The following CFAP20DC variants were observed in gnomAD, a reference collection of about 807,000 sequenced individuals.
The protein encoded by CFAP20DC is CFAP20 domain containing, also known as protein CFAP20DC.
In CFAP20DC, 84 loss-of-function variants were observed where a neutral mutation model predicts 101.7. That is an observed-to-expected ratio of 0.83 (90% CI 0.69 to 0.99). CFAP20DC has a LOEUF of 0.99. Among genes scored for constraint, CFAP20DC ranks in the 50% least tolerant of loss-of-function variants. The pLI, the probability that CFAP20DC is intolerant of heterozygous loss-of-function variation, is 0.00. For missense variants in CFAP20DC, 1,007 were observed against 970.3 expected (o/e 1.04, Z -0.50); for synonymous variants, 359 against 351.2 (o/e 1.02, Z -0.25).
At chr3:58,862,500 G>C in intron 12 of CFAP20DC, 2 of 985,388 alleles carry the variant, frequency 2.0e-6, no homozygotes, top group Non-Finnish European at 2.4e-6. Flanking sequence ...TCAGAAGCAA[G>C]AATATTGTGA....
rs1351849191 is a variant in CFAP20DC at position 58,732,019 on chromosome 3, T to A, written c.198-14391A>T. Among the ~76,000 whole-genome samples, 1 of 152,164 alleles carries A rather than the reference T, an allele frequency of 6.6e-6. No individual in the cohort carries two copies. The highest frequency in any genetic ancestry group is 2.4e-5 in the African/African-American group (1 of 41,438). On this transcript the variant is annotated intron_variant, in intron 3 of 3. Coordinates refer to the CFAP20DC transcript ENST00000486145. The surrounding 1 kb of genome is among the most constrained non-coding windows in gnomAD (Gnocchi z 5.4). Reference sequence around the variant, plus strand: ...AAGTAGATGAACACAGTTGCGAGGATTAAATGAGAAAATATGCACATACAG... The same window carrying A: ...AAGTAGATGAACACAGTTGCGAGGAATAAATGAGAAAATATGCACATACAG...
intron 14 of CFAP20DC, among the ~76,000 whole-genome samples, chr3:58,820,427 T>C (rs2075547153): frequency 6.6e-6 from 1 of 150,414 alleles, no homozygotes; most frequent in African/African-American, 2.4e-5. Context: ...CTTAAGCTGA[T>C]AAGCAACTTC....
chr3:58,924,754 T>C (rs904929962), intron 5 of CFAP20DC, among the ~76,000 whole-genome samples: 2 of 152,320 alleles, frequency 1.3e-5, no homozygotes, highest in Admixed American at 1.3e-4. Flanking sequence ...TTTTGACTTT[T>C]TAATAATAGC....
intron 14 of CFAP20DC, among the ~76,000 whole-genome samples, chr3:58,807,985 G>A (rs2074251201): frequency 6.6e-6 from 1 of 152,148 alleles, no homozygotes; most frequent in African/African-American, 2.4e-5. Flanking sequence ...TGAAATGAAT[G>A]AAATGAAGTG....
chr3:58,974,235 G>C (rs72883315), intron 4 of CFAP20DC, among the ~76,000 whole-genome samples: 3 of 152,168 alleles, frequency 2.0e-5, no homozygotes, highest in African/African-American at 7.2e-5. Context: ...CTAACATGTA[G>C]TTTTTCAACC....
At chr3:58,842,068 G>C (rs896913800) in intron 13 of CFAP20DC, among the ~76,000 whole-genome samples, 3 of 152,184 alleles carry the variant, frequency 2.0e-5, no homozygotes, top group African/African-American at 4.8e-5. Context: ...CTCTATTAAA[G>C]TATGAATAAA....
chr3:58,822,844 G>T (rs2075780744), intron 14 of CFAP20DC, among the ~76,000 whole-genome samples: 1 of 152,030 alleles, frequency 6.6e-6, no homozygotes. Context: ...CCTGCAGCTG[G>T]TCATAAAACA....
intron 4 of CFAP20DC, among the ~76,000 whole-genome samples, chr3:58,987,805 A>G (rs894904827): frequency 1.3e-5 from 2 of 151,992 alleles, no homozygotes; most frequent in African/African-American, 4.8e-5. Flanking sequence ...AAAAATACCT[A>G]TAACCATTAA....
intron 6 of CFAP20DC, among the ~76,000 whole-genome samples, chr3:58,890,679 C>A (rs573474511): frequency 6.8e-6 from 1 of 146,826 alleles, no homozygotes; most frequent in Non-Finnish European, 1.5e-5. Context: ...GGGGTGGTTG[C>A]CAGGCAGAGG....
At chr3:59,013,695 C>A (rs1286410473) in intron 4 of CFAP20DC, among the ~76,000 whole-genome samples, 1 of 152,116 alleles carries the variant, frequency 6.6e-6, no homozygotes, top group African/African-American at 2.4e-5. Context: ...TTGCTATTTT[C>A]TTTCCTGACC....
chr3:58,807,847 A>G (rs1260269667), intron 14 of CFAP20DC, among the ~76,000 whole-genome samples: 2 of 152,186 alleles, frequency 1.3e-5, no homozygotes, highest in Non-Finnish European at 2.9e-5. Flanking sequence ...AACTAGAATA[A>G]CCAATACAGA....
intron 14 of CFAP20DC, among the ~76,000 whole-genome samples, chr3:58,809,413 C>G (rs2074409573): frequency 6.6e-6 from 1 of 152,144 alleles, no homozygotes; most frequent in Non-Finnish European, 1.5e-5. Context: ...TAAAACCGCT[C>G]AACTACATGG....
At chr3:58,885,389 T>C (rs1226686175) in intron 6 of CFAP20DC, among the ~76,000 whole-genome samples, 2 of 152,140 alleles carry the variant, frequency 1.3e-5, no homozygotes, top group South Asian at 2.1e-4. Context: ...TACATATTCA[T>C]AGTGATGTTT....
chr3:58,737,508 AAG>A (rs771320147), downstream of CFAP20DC, among the ~76,000 whole-genome samples: 19 of 152,246 alleles, frequency 1.2e-4, no homozygotes, highest in Non-Finnish European at 2.4e-4. This position sits in a 1 kb window ranked among gnomAD's most constrained non-coding sequence, Gnocchi z 4.1. Flanking sequence ...TCTACAGAAA[AAG>A]AGTTCTGTAG....
chr3:58,928,337 C>A (rs769307496), intron 5 of CFAP20DC, among the ~76,000 whole-genome samples: 5 of 152,158 alleles, frequency 3.3e-5, no homozygotes, highest in Admixed American at 1.3e-4. Flanking sequence ...AACCATAGTG[C>A]GCTTCCTGGA....
intron 5 of CFAP20DC, among the ~76,000 whole-genome samples, chr3:58,933,989 T>G (rs1009036583): frequency 2.0e-5 from 3 of 152,174 alleles, no homozygotes; most frequent in Admixed American, 6.5e-5. Context: ...AGGAGCTGGT[T>G]TTTTGAAAGG....
At chr3:58,917,809 C>T (rs947477917) in intron 5 of CFAP20DC, among the ~76,000 whole-genome samples, 1 of 151,998 alleles carries the variant, frequency 6.6e-6, no homozygotes, top group African/African-American at 2.4e-5. Context: ...AAACAATTTC[C>T]CTAGGAAAAG....
At chr3:58,791,212 T>C (rs1303715531) in intron 15 of CFAP20DC, among the ~76,000 whole-genome samples, 3 of 152,178 alleles carry the variant, frequency 2.0e-5, no homozygotes, top group Admixed American at 1.3e-4. Context: ...TGAAAAATTA[T>C]TCCTAATATT....
chr3:58,992,476 C>T (rs1309424945), intron 4 of CFAP20DC: 2 of 749,686 alleles, frequency 2.7e-6, no homozygotes, highest in African/African-American at 1.9e-5. Context: ...GTCAGAAAAA[C>T]AAGAAATTAA....
Sources: allele counts gnomAD v4.1 joint callset (sites outside exome capture counted in the v4.1 genomes callset), GRCh38; gene constraint gnomAD v4.1.1; non-coding constraint Gnocchi (gnomAD v3.1); transcripts MANE v1.5; gene names NCBI Gene and HGNC (gene_info 2026-07-23, HGNC 2026-07-21).